The following VAV2 variants were observed in gnomAD, a reference collection of about 807,000 sequenced individuals.
The protein encoded by VAV2 is vav guanine nucleotide exchange factor 2, also known as guanine nucleotide exchange factor VAV2.
VAV2 carries 67 observed loss-of-function variants against 132.5 expected under a neutral mutation model. The ratio of observed to expected loss-of-function variants is 0.51; its 90% CI spans 0.42 to 0.62. The LOEUF (loss-of-function observed/expected upper bound fraction) is 0.62, where lower values mean the gene tolerates loss of function less well. Ranked by LOEUF, VAV2 falls within the 20% of genes least tolerant of loss-of-function variation. VAV2 has a pLI of 0.00. For synonymous variants in VAV2, 492 were observed against 443.5 expected (o/e 1.11, Z -1.37); for missense variants, 938 against 1,153.6 (o/e 0.81, Z 2.71).
At chr9:133,836,435 T>C (rs1296247143) in intron 3 of VAV2, among the ~76,000 whole-genome samples, 1 of 152,220 alleles carries the variant, frequency 6.6e-6, no homozygotes, top group Non-Finnish European at 1.5e-5. Flanking sequence ...TTCTAAATTT[T>C]CAGTGATGAT....
At chr9:133,787,108 G>T in intron 16 of VAV2, 138 bp downstream of exon 16, 1 of 924,966 alleles carries the variant, frequency 1.1e-6, no homozygotes, top group South Asian at 3.3e-5. Context: ...CATCGGGAAA[G>T]GGAGTGGAGG....
At chr9:133,781,236 C>G (rs1833997565) in intron 19 of VAV2, among the ~76,000 whole-genome samples, 1 of 152,252 alleles carries the variant, frequency 6.6e-6, no homozygotes, top group African/African-American at 2.4e-5. Context: ...CAGGTGCCAA[C>G]ACGCTCAAGG....
rs906674107 is a variant in VAV2 at position 133,823,807 on chromosome 9, C to T, written c.449+10465G>A. 6.6e-6 allele frequency among the ~76,000 whole-genome samples: 1 copy of T among 152,138 alleles called. No homozygotes were observed. Among genetic ancestry groups the T allele is most frequent in the Non-Finnish European group, 1.5e-5 (1 of 68,032 alleles). On this transcript the variant is annotated intron_variant, in intron 4 of 29. Transcript: ENST00000371850. This position sits in a 1 kb window ranked among gnomAD's most constrained non-coding sequence, Gnocchi z 5.5. The stretch of plus-strand genomic sequence containing the variant: ...TGACCGAATCAGTCCTGAAAGCACT[C>T]GAGTTTAACGAGGTATTAAAAATGA...
intron 19 of VAV2, among the ~76,000 whole-genome samples, chr9:133,782,057 A>G (rs1834027729): frequency 6.7e-6 from 1 of 149,884 alleles, no homozygotes; most frequent in Admixed American, 6.7e-5. Context: ...ACTTCTCTAC[A>G]TTTTCCAAAT....
intron 25 of VAV2, among the ~76,000 whole-genome samples, chr9:133,772,897 A>G (rs2520002): frequency 0.3 from 37,044 of 122,528 alleles, 6,616 homozygotes; most frequent in Non-Finnish European, 0.37. Context: ...TGCACACCCC[A>G]CATGTAGGCT....
rs978650503 is a variant in VAV2 at position 133,991,429 on chromosome 9, G to A, written c.204+646C>T. Among the ~76,000 whole-genome samples the A allele has an allele frequency of 1.3e-5, 2 of 151,934 alleles. No homozygotes were observed. The highest frequency in any genetic ancestry group is 4.8e-5 in the African/African-American group (2 of 41,312). ...GGTGGGGGTGTTGGGAAAGCGATGG[G>A]GGCCAGGACTGGGGCCAAGTGGCCC... On this transcript the variant is annotated intron_variant, in intron 1 of 29. Coordinates refer to ENST00000371850, the MANE Select transcript of VAV2 (RefSeq NM_001134398.2). This position sits in a 1 kb window ranked among gnomAD's most constrained non-coding sequence, Gnocchi z 4.8.
At chr9:133,980,865 C>T (rs897750386) in intron 1 of VAV2, among the ~76,000 whole-genome samples, 4 of 151,918 alleles carry the variant, frequency 2.6e-5, no homozygotes, top group African/African-American at 7.3e-5. Flanking sequence ...AGTCTGTGGC[C>T]ACACAGAGCC....
At position 133,861,385 on chromosome 9, in the gene VAV2, G is replaced by A. The variant is rs1837587684; in HGVS notation, c.369C>T (p.Asn123=). The A allele has an allele frequency of 1.9e-6, 3 of 1,613,278 alleles. No individual in the cohort carries two copies. The highest frequency in any genetic ancestry group is 2.5e-6 in the Non-Finnish European group (3 of 1,179,636). ...SRLSLHSIAQ[N]KGIRPFPSEE... ...TCCGGAGAGCTCACCTGATCCCTTT[G>A]TTCTGCGCGATGCTGTGCAGGGAGA... The change falls in exon 3 of 30, where the codon AAC becomes AAT. Residue 123 remains asparagine (N), a synonymous_variant. Transcript: ENST00000371850.
chr9:133,763,754 C>T lies in VAV2; in HGVS notation c.*308G>A, dbSNP rs1833341409. The T allele has an allele frequency of 2.4e-6, 1 of 421,340 alleles. No individual in the cohort carries two copies. The highest frequency in any genetic ancestry group is 4.4e-6 in the Non-Finnish European group (1 of 226,382). The allele number at this position is 421,340 out of a possible 1,614,324, so 26.1% of individuals were successfully genotyped here. A position where few individuals can be genotyped will look rare whatever the true frequency, so the allele number is the denominator to read the frequency against. On this transcript the variant is annotated 3_prime_UTR_variant, in exon 30 of 30. Coordinates refer to ENST00000371850, the MANE Select transcript of VAV2 (RefSeq NM_001134398.2). The surrounding 1 kb of genome is among the most constrained non-coding windows in gnomAD (Gnocchi z 6.8). ...CAGTTGGACAGGGGCAGGCGATGGG[C>T]CTCTGGCCTCAGCCACTACCCAGAG...
intron 23 of VAV2, 103 bp from the exon 24 acceptor site, chr9:133,776,183 G>T: frequency 6.7e-7 from 1 of 1,495,418 alleles, no homozygotes; most frequent in Non-Finnish European, 9.0e-7. Context: ...CACATTGGCT[G>T]CCCTGGAGGG....
intron 1 of VAV2, among the ~76,000 whole-genome samples, chr9:133,939,518 C>A (rs1191053790): frequency 6.6e-6 from 1 of 152,180 alleles, no homozygotes. Context: ...ACCCCCAAGG[C>A]CTGTGCATTC....
intron 1 of VAV2, among the ~76,000 whole-genome samples, chr9:133,945,874 G>C (rs1280387970): frequency 1.3e-5 from 2 of 152,194 alleles, no homozygotes; most frequent in East Asian, 3.9e-4. Flanking sequence ...AGGTGCTCCA[G>C]GTGGGGACAA....
intron 2 of VAV2, among the ~76,000 whole-genome samples, chr9:133,899,023 A>G (rs1446281017): frequency 6.6e-6 from 1 of 151,456 alleles, no homozygotes; most frequent in Non-Finnish European, 1.5e-5. Flanking sequence ...GGGTTTCACC[A>G]CGTTAGCCAG....
At chr9:133,848,005 C>T (rs957045864) in intron 3 of VAV2, among the ~76,000 whole-genome samples, 2 of 152,164 alleles carry the variant, frequency 1.3e-5, no homozygotes, top group African/African-American at 2.4e-5. Context: ...GGGCCAGACG[C>T]GGTAGCTCAC....
chr9:133,971,955 G>A lies in VAV2; in HGVS notation c.204+20120C>T, dbSNP rs907403445. ...TCAAAGGGCAGAAAACAACCTCAAG[G>A]AAGTGGACGGCATGGCCCGGATTCA... On this transcript the variant is annotated intron_variant, in intron 1 of 29. Transcript: ENST00000371850. 1.3e-4 allele frequency among the ~76,000 whole-genome samples: 20 copies of A among 152,260 alleles called. No homozygotes were observed. The East Asian group carries it at 3.1e-3, about 24-fold the overall frequency.
At chr9:133,830,152 C>T (rs1023931539) in intron 4 of VAV2, among the ~76,000 whole-genome samples, 7 of 152,210 alleles carry the variant, frequency 4.6e-5, no homozygotes, top group Non-Finnish European at 2.9e-5. Context: ...TTTCCCCAAA[C>T]AGCTGCAGAG....
In VAV2 at chr9:133,969,749, G is replaced by A. The variant is rs571679122; in HGVS notation, c.204+22326C>T. On this transcript the variant is annotated intron_variant, in intron 1 of 29. Transcript: ENST00000371850. This position sits in a 1 kb window ranked among gnomAD's most constrained non-coding sequence, Gnocchi z 5.1. The stretch of plus-strand genomic sequence containing the variant: ...ACTCCTCCTGCGCTCCAGCGGGGCC[G>A]TCCATCTCTCTCCATTCCCACTTCT... 2.6e-5 allele frequency among the ~76,000 whole-genome samples: 4 copies of A among 152,150 alleles called. No homozygotes were observed. The highest frequency in any genetic ancestry group is 2.1e-4 in the South Asian group (1 of 4,814).
rs764800640 is a variant in VAV2 at position 133,791,305 on chromosome 9, C to T, written c.1188+478G>A. The stretch of plus-strand genomic sequence containing the variant: ...GGTGGCAGCCCTGCCTGATGGGGTC[C>T]GAGGAGCAGAGGCGACTGCCGGCCC... On this transcript the variant is annotated intron_variant, in intron 13 of 29. Transcript: ENST00000371850. Among the ~76,000 whole-genome samples, 153 of 152,220 alleles carry T rather than the reference C, an allele frequency of 1.0e-3. 2 individuals carry two copies. Among genetic ancestry groups the T allele is most frequent in the Non-Finnish European group, 7.2e-4 (49 of 67,992 alleles).
rs892719845 is a variant in VAV2, at chr9:133,826,501, G to A, written c.449+7771C>T. On this transcript the variant is annotated intron_variant, in intron 4 of 29. Coordinates refer to ENST00000371850, the MANE Select transcript of VAV2 (RefSeq NM_001134398.2). The surrounding 1 kb of genome is among the most constrained non-coding windows in gnomAD (Gnocchi z 4.2). The stretch of plus-strand genomic sequence containing the variant: ...CTCCTCATGCAGCCACCGGAGTGGC[G>A]GGGTGCCTTCCCACAGCAGCCTGTG... 8.5e-5 allele frequency among the ~76,000 whole-genome samples: 13 copies of A among 152,272 alleles called. No homozygotes were observed. Among genetic ancestry groups the A allele is most frequent in the African/African-American group, 1.9e-4 (8 of 41,562 alleles).
Sources: allele counts gnomAD v4.1 joint callset (sites outside exome capture counted in the v4.1 genomes callset), GRCh38; gene constraint gnomAD v4.1.1; non-coding constraint Gnocchi (gnomAD v3.1); transcripts MANE v1.5; gene names NCBI Gene and HGNC (gene_info 2026-07-23, HGNC 2026-07-21).